The following BLOC1S3 variants were observed in gnomAD, a reference collection of about 807,000 sequenced individuals.
BLOC1S3 encodes biogenesis of lysosome-related organelles complex 1 subunit 3.
BLOC1S3 carries 7 observed loss-of-function variants against 9.1 expected under a neutral mutation model. The ratio of observed to expected loss-of-function variants is 0.77; its 90% CI spans 0.44 to 1.45. BLOC1S3 has a LOEUF of 1.45. BLOC1S3 is among the 40% of genes most tolerant of loss of function. The pLI is 0.01. For missense variants in BLOC1S3, 307 were observed against 315.2 expected, an observed-to-expected ratio of 0.97 and a Z score of 0.20; for synonymous variants, 145 against 158.4, an observed-to-expected ratio of 0.92 and a Z score of 0.64.
intron 3 of BLOC1S3, chr19:45,216,144 G>T: frequency 6.2e-7 from 1 of 1,613,996 alleles, no homozygotes; most frequent in Non-Finnish European, 8.5e-7. Context: ...CCAGCTGCAT[G>T]ACTTCAGCCA....
At chr19:45,204,120 C>A (rs1204509381) in intron 3 of BLOC1S3, among the ~76,000 whole-genome samples, 2 of 152,042 alleles carry the variant, frequency 1.3e-5, no homozygotes, top group Admixed American at 1.3e-4. Context: ...AATTCTCCTG[C>A]CTCAGCCTCC....
intron 2 of BLOC1S3, among the ~76,000 whole-genome samples, chr19:45,201,863 C>A (rs985508256): frequency 6.6e-6 from 1 of 152,102 alleles, no homozygotes; most frequent in Non-Finnish European, 1.5e-5. Context: ...CTCATGAGAT[C>A]TGATGGCTTT....
At chr19:45,210,530 C>G (rs1434881545) in intron 3 of BLOC1S3, among the ~76,000 whole-genome samples, 1 of 151,334 alleles carries the variant, frequency 6.6e-6, no homozygotes, top group Non-Finnish European at 1.5e-5. Flanking sequence ...AACTCCTGAC[C>G]TCACATGATC....
chr19:45,200,915 G>T (rs1969686114), intron 2 of BLOC1S3, among the ~76,000 whole-genome samples: 1 of 152,062 alleles, frequency 6.6e-6, no homozygotes, highest in African/African-American at 2.4e-5. Flanking sequence ...CATCTTAGAG[G>T]TGCTGGCCAG....
intron 2 of BLOC1S3, among the ~76,000 whole-genome samples, chr19:45,188,472 C>CCTTTTTTTTT (rs1568472450): frequency 6.6e-6 from 1 of 151,848 alleles, no homozygotes; most frequent in African/African-American, 2.4e-5. Flanking sequence ...CAGCGCCCGG[C>CCTTTTTTTTT]TTCTTTTAGT....
At chr19:45,187,065 C>G (rs554886478), upstream of BLOC1S3, among the ~76,000 whole-genome samples, 3 of 152,254 alleles carry the variant, frequency 2.0e-5, no homozygotes, top group East Asian at 3.9e-4. Flanking sequence ...CAGTAGAAAC[C>G]TGAGCTAGTT....
intron 3 of BLOC1S3, among the ~76,000 whole-genome samples, chr19:45,204,232 A>G (rs1366455074): frequency 7.2e-6 from 1 of 138,298 alleles, no homozygotes. Flanking sequence ...CTTGTTGTCC[A>G]GGCTGGACTG....
chr19:45,184,097 T>C (rs1471706824), downstream of BLOC1S3, among the ~76,000 whole-genome samples: 1 of 152,096 alleles, frequency 6.6e-6, no homozygotes, highest in African/African-American at 2.4e-5. Flanking sequence ...TTTCAGCCCC[T>C]TTCTTTCTTT....
At chr19:45,182,384 T>A (rs1207813429), downstream of BLOC1S3, among the ~76,000 whole-genome samples, 1 of 149,948 alleles carries the variant, frequency 6.7e-6, no homozygotes, top group Non-Finnish European at 1.5e-5. Context: ...CAAAAATAAA[T>A]AGGCCAGGCG....
intron 3 of BLOC1S3, chr19:45,215,970 C>G: frequency 6.7e-7 from 1 of 1,500,860 alleles, no homozygotes; most frequent in Non-Finnish European, 9.0e-7. Flanking sequence ...ACACGCTCAC[C>G]GGCTCCCTCC....
At chr19:45,185,650 T>G (rs1433380740), downstream of BLOC1S3, among the ~76,000 whole-genome samples, 2 of 151,922 alleles carry the variant, frequency 1.3e-5, no homozygotes, top group Non-Finnish European at 2.9e-5. Flanking sequence ...CTGTTGTGCA[T>G]GGACTGCTAT....
chr19:45,206,757 G>A (rs1253498921), intron 3 of BLOC1S3, among the ~76,000 whole-genome samples: 1 of 151,608 alleles, frequency 6.6e-6, no homozygotes, highest in Non-Finnish European at 1.5e-5. Context: ...CACTATGACT[G>A]GCTGGATTAA....
intron 3 of BLOC1S3, among the ~76,000 whole-genome samples, chr19:45,213,628 C>T (rs531677604): frequency 4.6e-5 from 7 of 152,218 alleles, no homozygotes; most frequent in African/African-American, 1.7e-4. Flanking sequence ...CCTTTTCACC[C>T]CAAGCCTCAG....
intron 3 of BLOC1S3, chr19:45,213,409 C>A (rs769409244): frequency 6.3e-7 from 1 of 1,594,334 alleles, no homozygotes; most frequent in Admixed American, 1.8e-5. Flanking sequence ...TCTAGACACA[C>A]ACCCAACCCA....
At chr19:45,186,719 A>C (rs59839536), downstream of BLOC1S3, among the ~76,000 whole-genome samples, 26,132 of 152,004 alleles carry the variant, frequency 0.17, 2,631 homozygotes, top group African/African-American at 0.27. Context: ...ACAACAACAA[A>C]AAAAAAGTGC....
rs1023829151 is a variant in BLOC1S3 at position 45,179,141 on chromosome 19, A to G, written c.-9-147A>G. On this transcript the variant is annotated intron_variant, in intron 1 of 1. Coordinates refer to ENST00000433642, the MANE Select transcript of BLOC1S3 (RefSeq NM_212550.5). The surrounding 1 kb of genome is among the most constrained non-coding windows in gnomAD (Gnocchi z 4.6). ...AGTAACCCCCATCATCACCCAGTTT[A>G]CAGAAGAGGAAACTGAGGCCCAGAC... 3.5e-6 allele frequency: 3 copies of G among 857,900 alleles called. No individual in the cohort carries two copies. Among genetic ancestry groups the G allele is most frequent in the Non-Finnish European group, 4.9e-6 (3 of 606,986 alleles). 53.1% of individuals were successfully genotyped at this position (857,900 alleles called of 1,614,324 possible). A position where few individuals can be genotyped will look rare whatever the true frequency, so the allele number is the denominator to read the frequency against.
rs1555752038 is a variant in BLOC1S3, at chr19:45,180,235, A to AATTTTTTTTT, written c.*330_*331insATTTTTTTTT. 2.2e-5 allele frequency: 2 copies of AATTTTTTTTT among 90,228 alleles called. No individual in the cohort carries two copies. Among genetic ancestry groups the AATTTTTTTTT allele is most frequent in the African/African-American group, 1.1e-4 (2 of 17,882 alleles). The allele number at this position is 90,228 out of a possible 1,614,324, so 5.6% of individuals were successfully genotyped here. A position where few individuals can be genotyped will look rare whatever the true frequency, so the allele number is the denominator to read the frequency against. On this transcript the variant is annotated 3_prime_UTR_variant, in exon 2 of 2. Transcript: ENST00000433642. Reference sequence around the variant, plus strand: ...CTGTTTCCACCCTGGGGGCTCACCAATTTTTTTTTTTTTTTTTTTTTTTTG... The same window carrying AATTTTTTTTT: ...CTGTTTCCACCCTGGGGGCTCACCAAATTTTTTTTTTTTTTTTTTTTTTTTTTTTTTTTTG...
chr19:45,200,835 AC>A (rs1969685521), intron 2 of BLOC1S3, among the ~76,000 whole-genome samples: 1 of 152,154 alleles, frequency 6.6e-6, no homozygotes, highest in African/African-American at 2.4e-5. Context: ...TGTGAACTAA[AC>A]TTTTGGTCAC....
At chr19:45,212,015 C>T (rs1052092959) in intron 3 of BLOC1S3, among the ~76,000 whole-genome samples, 4 of 152,240 alleles carry the variant, frequency 2.6e-5, no homozygotes, top group East Asian at 1.9e-4. Flanking sequence ...CCCTGGATGC[C>T]GCCAGCCCTG....
Sources: allele counts gnomAD v4.1 joint callset (sites outside exome capture counted in the v4.1 genomes callset), GRCh38; gene constraint gnomAD v4.1.1; non-coding constraint Gnocchi (gnomAD v3.1); transcripts MANE v1.5; gene names NCBI Gene and HGNC (gene_info 2026-07-23, HGNC 2026-07-21).